GPSM2: variants seen among roughly 807,000 people sequenced by gnomAD.
The protein encoded by GPSM2 is G protein-signaling modulator 2.
In GPSM2, 58 loss-of-function variants were observed where a neutral mutation model predicts 78.4. The ratio of observed to expected loss-of-function variants is 0.74; its 90% confidence interval spans 0.60 to 0.92. The LOEUF is 0.92. Ranked by LOEUF, GPSM2 falls within the 40% of genes least tolerant of loss-of-function variation. The pLI, the probability that GPSM2 is intolerant of heterozygous loss-of-function variation, is 0.00. For synonymous variants in GPSM2, 224 were observed against 280.2 expected (o/e 0.80, Z 2.00); for missense variants, 700 against 815.5 (o/e 0.86, Z 1.73).
chr1:108,924,109 A>G lies in GPSM2; in HGVS notation c.1710A>G (p.Pro570=). 1.2e-6 allele frequency: 2 copies of G among 1,613,636 alleles called. No individual in the cohort carries two copies. The highest frequency in any genetic ancestry group is 1.1e-5 in the South Asian group (1 of 91,072). ...AGAGGGCTAGTTTCAGTAATTTGCC[A>G]GGGCTTCGTCTAACACAAAACAGCC... is the stretch of plus-strand genomic sequence containing the variant. ...DDQRASFSNL[P]GLRLTQNSQS... The change falls in exon 14 of 15, where the codon CCA becomes CCG. Residue 570 remains proline (P), a synonymous_variant. Transcript: ENST00000264126.
intron 2 of GPSM2, among the ~76,000 whole-genome samples, chr1:108,896,662 G>A (rs1648390547): frequency 6.6e-6 from 1 of 152,162 alleles, no homozygotes; most frequent in African/African-American, 2.4e-5. Flanking sequence ...TCTCTGAGCA[G>A]GCTCAGAGAA....
At position 108,931,235 on chromosome 1, in the gene GPSM2, A is replaced by G; in HGVS notation, c.*1295A>G. ...ATAAACAAACAGAAAACAGATGAAA[A>G]CTCACAAAAATTAAATATGAAAGAA... On this transcript the variant is annotated 3_prime_UTR_variant, in exon 15 of 15. Coordinates refer to ENST00000264126, the MANE Select transcript of GPSM2 (RefSeq NM_013296.5). The G allele has an allele frequency of 7.2e-7, 1 of 1,390,704 alleles. No homozygotes were observed. Among genetic ancestry groups the G allele is most frequent in the East Asian group, 2.5e-5 (1 of 39,564 alleles). 86.1% of individuals were successfully genotyped at this position (1,390,704 alleles called of 1,614,324 possible).
At chr1:108,917,395 G>T (rs1054071236) in intron 11 of GPSM2, among the ~76,000 whole-genome samples, 1 of 150,870 alleles carries the variant, frequency 6.6e-6, no homozygotes, top group Non-Finnish European at 1.5e-5. Flanking sequence ...GTGAAACCCC[G>T]TCTCTACTAA....
chr1:108,932,581 A>G lies in GPSM2; in HGVS notation c.*2641A>G, dbSNP rs1217145255. ...TTGGTTTTGGATTAAAAGGCATGCA[A>G]GCAGCATTAATTCCACTCACAGTTA... is the stretch of plus-strand genomic sequence containing the variant. On this transcript the variant is annotated 3_prime_UTR_variant, in exon 15 of 15. Coordinates refer to ENST00000264126, the MANE Select transcript of GPSM2 (RefSeq NM_013296.5). The G allele has an allele frequency of 6.6e-6, 1 of 152,208 alleles. No homozygotes were observed. Among genetic ancestry groups the G allele is most frequent in the African/African-American group, 2.4e-5 (1 of 41,450 alleles). The allele number at this position is 152,208 out of a possible 1,614,324, so 9.4% of individuals were successfully genotyped here. A position where few individuals can be genotyped will look rare whatever the true frequency, so the allele number is the denominator to read the frequency against.
chr1:108,903,076 A>G (rs1395594997), intron 8 of GPSM2, 50 bp from the exon 9 acceptor site: 4 of 1,081,606 alleles, frequency 3.7e-6, no homozygotes, highest in East Asian at 4.7e-5. Context: ...TATTCTATAC[A>G]TAGGACCTCT....
At position 108,923,980 on chromosome 1, in the gene GPSM2, C is replaced by T. The variant is rs1287210501; in HGVS notation, c.1601-20C>T. 1.3e-6 allele frequency: 2 copies of T among 1,511,512 alleles called. No homozygotes were observed. The highest frequency in any genetic ancestry group is 1.1e-5 in the South Asian group (1 of 88,882). The allele number at this position is 1,511,512 out of a possible 1,614,324, so 93.6% of individuals were successfully genotyped here. ...TTTTTTGTTTTTTTTTAATCTTTGG[C>T]TTTCTTCTTCTGTTCTTAGCATCAT... On this transcript the variant is annotated intron_variant, in intron 13 of 14. Transcript: ENST00000264126.
At chr1:108,919,011 T>TC (rs1650492429) in intron 12 of GPSM2, among the ~76,000 whole-genome samples, 1 of 152,086 alleles carries the variant, frequency 6.6e-6, no homozygotes, top group Admixed American at 6.6e-5. Context: ...TATTTCTTTT[T>TC]CTTTTTTTTT....
intron 2 of GPSM2, among the ~76,000 whole-genome samples, chr1:108,888,362 C>T (rs181105508): frequency 3.8e-4 from 57 of 151,520 alleles, no homozygotes; most frequent in Middle Eastern, 3.5e-3. Context: ...TTTTTTTCCC[C>T]GTTGAGACAG....
chr1:108,927,441 A>C (rs573321384), intron 14 of GPSM2, among the ~76,000 whole-genome samples: 20 of 152,336 alleles, frequency 1.3e-4, no homozygotes, highest in African/African-American at 4.6e-4. Flanking sequence ...TAAAAGACAG[A>C]CATATAGACC....
At chr1:108,886,863 A>AGT (rs755523987) in intron 2 of GPSM2, among the ~76,000 whole-genome samples, 1,561 of 149,720 alleles carry the variant, frequency 0.01, 22 homozygotes, top group African/African-American at 0.035. Flanking sequence ...AAATCTGAAG[A>AGT]GTGTGTGTGT....
intron 11 of GPSM2, 87 bp downstream of exon 11, chr1:108,914,495 G>C (rs937264128): frequency 2.0e-5 from 20 of 1,002,312 alleles, no homozygotes; most frequent in Non-Finnish European, 3.0e-5. Flanking sequence ...ATTTAAATAA[G>C]GCTTGCCCTA....
At chr1:108,923,867 T>A in intron 13 of GPSM2, 133 bp from the exon 14 acceptor site, 1 of 704,410 alleles carries the variant, frequency 1.4e-6, no homozygotes. Flanking sequence ...GTCAGCGCTA[T>A]AGCAGGAGGG....
rs1043923614 is a variant in GPSM2, at chr1:108,930,114, C to T, written c.*174C>T. 9.4e-6 allele frequency: 6 copies of T among 636,334 alleles called. No individual in the cohort carries two copies. Among genetic ancestry groups the T allele is most frequent in the Admixed American group, 5.9e-5 (2 of 33,714 alleles). 39.4% of individuals were successfully genotyped at this position (636,334 alleles called of 1,614,324 possible). A position where few individuals can be genotyped will look rare whatever the true frequency, so the allele number is the denominator to read the frequency against. On this transcript the variant is annotated 3_prime_UTR_variant, in exon 15 of 15. Coordinates refer to ENST00000264126, the MANE Select transcript of GPSM2 (RefSeq NM_013296.5). ...GCATTAATACTTCTCTGGACATGCGCGTTTGAGGGTGGAGGGGTCCTGTAA... is the reference window on the plus strand; with the variant it reads ...GCATTAATACTTCTCTGGACATGCGTGTTTGAGGGTGGAGGGGTCCTGTAA...
intron 2 of GPSM2, among the ~76,000 whole-genome samples, chr1:108,890,723 T>C (rs1647907280): frequency 6.6e-6 from 1 of 152,224 alleles, no homozygotes; most frequent in African/African-American, 2.4e-5. Context: ...TCCTCCTCTA[T>C]CCCTGGAGGA....
chr1:108,893,071 G>T (rs748740916), intron 2 of GPSM2, among the ~76,000 whole-genome samples: 3 of 152,264 alleles, frequency 2.0e-5, no homozygotes, highest in African/African-American at 7.2e-5. Flanking sequence ...TTTTAAAAAC[G>T]TGTAACACTT....
intron 11 of GPSM2, among the ~76,000 whole-genome samples, chr1:108,917,639 T>TGGGG (rs1557875678): frequency 2.6e-4 from 6 of 22,748 alleles, no homozygotes; most frequent in Non-Finnish European, 4.5e-4. Flanking sequence ...TATATATATA[T>TGGGG]ATATATATAT....
chr1:108,889,176 C>T (rs1647783022), intron 2 of GPSM2, among the ~76,000 whole-genome samples: 1 of 152,160 alleles, frequency 6.6e-6, no homozygotes, highest in Non-Finnish European at 1.5e-5. Context: ...AGAAGGGGTA[C>T]ACTCATCAGC....
rs1186179237 is a variant in GPSM2 at position 108,934,465 on chromosome 1, A to C, written c.*4525A>C. 2 of 542,586 alleles carry C rather than the reference A, an allele frequency of 3.7e-6. No homozygotes were observed. The highest frequency in any genetic ancestry group is 6.3e-6 in the Non-Finnish European group (2 of 315,986). The allele number at this position is 542,586 out of a possible 1,614,324, so 33.6% of individuals were successfully genotyped here. On this transcript the variant is annotated 3_prime_UTR_variant, in exon 15 of 15. Transcript: ENST00000264126. ...TTATGGGATGTAAATATCAAAGAGA[A>C]GATGAAATGAAAAGCTTTTACATAT...
chr1:108,901,602 CTG>C (rs1648826128), intron 7 of GPSM2, among the ~76,000 whole-genome samples, 186 bp from the exon 8 acceptor site: 1 of 152,082 alleles, frequency 6.6e-6, no homozygotes, highest in Non-Finnish European at 1.5e-5. Context: ...AATCTTCTTT[CTG>C]TGTTTCAAAA....
Sources: gnomAD v4.1 joint callset for allele counts (sites outside exome capture counted in the v4.1 genomes callset) on GRCh38, gnomAD v4.1.1 for gene constraint, MANE v1.5 for transcripts, NCBI Gene and HGNC (gene_info 2026-07-23, HGNC 2026-07-21) for gene names.